The following SF3B3 variants were observed in gnomAD, a reference collection of about 807,000 sequenced individuals.
SF3B3 encodes SAP 130.
A neutral mutation model predicts 139.2 loss-of-function variants in SF3B3; 33 were observed. That is an observed-to-expected ratio of 0.24 (90% confidence interval 0.18 to 0.32). The LOEUF (loss-of-function observed/expected upper bound fraction) is 0.32, where lower values mean the gene tolerates loss of function less well. Among genes scored for constraint, SF3B3 ranks in the 10% least tolerant of loss-of-function variants. The pLI, the probability that SF3B3 is intolerant of heterozygous loss-of-function variation, is 1.00. For missense variants in SF3B3, 818 were observed against 1,509.4 expected (o/e 0.54, Z 7.59); for synonymous variants, 596 against 563.6 (o/e 1.06, Z -0.81).
rs1000222189 is a variant in SF3B3 at position 70,570,089 on chromosome 16, A to T, written c.3348A>T (p.Ser1116=). The change falls in exon 24 of 26, where the codon TCA becomes TCT. Residue 1116 remains serine (S), a synonymous_variant. Coordinates refer to ENST00000302516, the MANE Select transcript of SF3B3 (RefSeq NM_012426.5). ...KTTLIPGGSE[S]LVYTTLSGGI... ...CGCTGATCCCTGGAGGCTCAGAATC[A>T]CTTGTCTATACCACCTTGTCTGGAG... 6.2e-7 allele frequency: 1 copy of T among 1,614,066 alleles called. No homozygotes were observed. Among genetic ancestry groups the T allele is most frequent in the Non-Finnish European group, 8.5e-7 (1 of 1,180,024 alleles).
chr16:70,550,661 A>T (rs1193739493), intron 11 of SF3B3: 1 of 985,710 alleles, frequency 1.0e-6, no homozygotes. Context: ...TGGCTGGTGA[A>T]GGTGCTGATC....
intron 23 of SF3B3, 115 bp from the exon 24 acceptor site, chr16:70,569,891 A>G: frequency 8.4e-7 from 1 of 1,195,986 alleles, no homozygotes; most frequent in South Asian, 1.5e-5. Flanking sequence ...CCTCTATAAT[A>G]ATTTTTGGAT....
intron 23 of SF3B3, 35 bp from the exon 24 acceptor site, chr16:70,569,971 G>A: frequency 6.2e-7 from 1 of 1,613,052 alleles, no homozygotes; most frequent in Non-Finnish European, 8.5e-7. Context: ...GCTCCTGAGG[G>A]TGCACACAGT....
At position 70,575,196 on chromosome 16, in the gene SF3B3, C is replaced by CTTTTTTTTTTTTTTTTTTTTTTTTTTTT. The variant is rs897314035; in HGVS notation, c.*3403_*3404insTTTTTTTTTTTTTTTTTTTTTTTTTTTT. The CTTTTTTTTTTTTTTTTTTTTTTTTTTTT allele has an allele frequency of 9.1e-6, 1 of 110,008 alleles. No homozygotes were observed. The highest frequency in any genetic ancestry group is 1.1e-4 in the Admixed American group (1 of 9,506). The allele number at this position is 110,008 out of a possible 1,614,324, so 6.8% of individuals were successfully genotyped here. A position where few individuals can be genotyped will look rare whatever the true frequency, so the allele number is the denominator to read the frequency against. ...TTTTCTTTTTCTTTTTCTTTTTTTT[C>CTTTTTTTTTTTTTTTTTTTTTTTTTTTT]TTTTTTTTTTTTTTTTTTTTGAGAT... On this transcript the variant is annotated 3_prime_UTR_variant, in exon 26 of 26. Coordinates refer to ENST00000302516, the MANE Select transcript of SF3B3 (RefSeq NM_012426.5).
intron 1 of SF3B3, among the ~76,000 whole-genome samples, chr16:70,525,911 A>G (rs1423949215): frequency 2.7e-5 from 4 of 148,760 alleles, no homozygotes; most frequent in Non-Finnish European, 5.9e-5. Context: ...CAGTAAGCCA[A>G]GATGGCGCCA....
intron 4 of SF3B3, 114 bp from the exon 5 acceptor site, chr16:70,532,365 A>AAAAAAAAAAAAG (rs1159104206): frequency 1.2e-6 from 1 of 832,816 alleles, no homozygotes; most frequent in Non-Finnish European, 1.8e-6. Context: ...TCCAAAAAAA[A>AAAAAAAAAAAAG]AAGAAGACAT....
At chr16:70,569,167 G>C in intron 23 of SF3B3, 26 bp downstream of exon 23, 1 of 1,511,034 alleles carries the variant, frequency 6.6e-7, no homozygotes, top group Non-Finnish European at 9.1e-7. Flanking sequence ...GGGCCCCAGG[G>C]AGAACACTGC....
Position 70,572,816 on chromosome 16 carries a change from A to T in SF3B3, c.*1003A>T, listed in dbSNP as rs1037047765. The T allele has an allele frequency of 2.6e-5, 4 of 152,228 alleles. No homozygotes were observed. Among genetic ancestry groups the T allele is most frequent in the Admixed American group, 2.6e-4 (4 of 15,256 alleles). 9.4% of individuals were successfully genotyped at this position (152,228 alleles called of 1,614,324 possible). On this transcript the variant is annotated 3_prime_UTR_variant, in exon 26 of 26. Transcript: ENST00000302516. ...CTTTAGGGTATAATGAGAGCCTGTT[A>T]GGTGGAAGAGGCCCAGTTCCAGAAA...
intron 22 of SF3B3, 39 bp downstream of exon 22, chr16:70,568,534 A>G (rs1456219635): frequency 6.5e-7 from 1 of 1,530,294 alleles, no homozygotes; most frequent in Non-Finnish European, 9.0e-7. Context: ...AGTGATGTGT[A>G]GGAAAGCTGG....
At position 70,572,333 on chromosome 16, in the gene SF3B3, T is replaced by A; in HGVS notation, c.*520T>A. ...ATGTGTCTTGTTCTGGAGATGAGGATGTAGGTGGGAGGTTTGAACCCAAGT... is the reference window on the plus strand; with the variant it reads ...ATGTGTCTTGTTCTGGAGATGAGGAAGTAGGTGGGAGGTTTGAACCCAAGT... On this transcript the variant is annotated 3_prime_UTR_variant, in exon 26 of 26. Transcript: ENST00000302516. The A allele has an allele frequency of 3.7e-6, 1 of 267,714 alleles. No homozygotes were observed. The highest frequency in any genetic ancestry group is 7.4e-6 in the Non-Finnish European group (1 of 134,594). 16.6% of individuals were successfully genotyped at this position (267,714 alleles called of 1,614,324 possible).
intron 17 of SF3B3, 51 bp downstream of exon 17, chr16:70,561,835 C>T (rs950198910): frequency 1.3e-6 from 2 of 1,530,814 alleles, no homozygotes; most frequent in Admixed American, 1.7e-5. Flanking sequence ...CTGCCAAGGG[C>T]TCAGACTGGT....
intron 9 of SF3B3, among the ~76,000 whole-genome samples, chr16:70,543,676 C>G (rs1048766404): frequency 6.6e-6 from 1 of 151,990 alleles, no homozygotes; most frequent in South Asian, 2.1e-4. Flanking sequence ...CCACTGTACT[C>G]TAACCTCGGT....
At chr16:70,551,137 G>A (rs2050320878) in intron 11 of SF3B3, among the ~76,000 whole-genome samples, 1 of 152,176 alleles carries the variant, frequency 6.6e-6, no homozygotes, top group Non-Finnish European at 1.5e-5. Flanking sequence ...ACCTTTTGGA[G>A]TGAGCTGCTG....
chr16:70,563,728 T>C, intron 17 of SF3B3, 148 bp from the exon 18 acceptor site: 1 of 680,686 alleles, frequency 1.5e-6, no homozygotes, highest in Non-Finnish European at 2.5e-6. Flanking sequence ...CAGAGTTTTC[T>C]AGAGTAGGAG....
At chr16:70,526,269 A>G (rs543591826) in intron 1 of SF3B3, among the ~76,000 whole-genome samples, 1 of 151,774 alleles carries the variant, frequency 6.6e-6, no homozygotes, top group Non-Finnish European at 1.5e-5. Flanking sequence ...GTGCAGTGGC[A>G]TGATGTTGGC....
At position 70,574,555 on chromosome 16, in the gene SF3B3, G is replaced by A. The variant is rs2050559438; in HGVS notation, c.*2742G>A. The A allele has an allele frequency of 1.3e-5, 2 of 152,226 alleles. No individual in the cohort carries two copies. Among genetic ancestry groups the A allele is most frequent in the Admixed American group, 1.3e-4 (2 of 15,282 alleles). The allele number at this position is 152,226 out of a possible 1,614,324, so 9.4% of individuals were successfully genotyped here. On this transcript the variant is annotated 3_prime_UTR_variant, in exon 26 of 26. Transcript: ENST00000302516. ...TCTCTCTTGACCAGGCTAGAGGGCT[G>A]TGGTGCGATCTCAGCCCACTGCAAC...
At chr16:70,535,083 A>G (rs540958876) in intron 5 of SF3B3, among the ~76,000 whole-genome samples, 1 of 152,296 alleles carries the variant, frequency 6.6e-6, no homozygotes, top group African/African-American at 2.4e-5. Context: ...CTTGGAGGTA[A>G]ACATTTGGAT....
rs747429904 is a variant in SF3B3, at chr16:70,541,767, C to T, written c.1166C>T (p.Pro389Leu). Residue 389 changes from proline to leucine, a missense_variant, in exon 9 of 26, where the codon CCA becomes CTA. Pro to Leu is a moderately conservative substitution (Grantham distance 98, BLOSUM62 -3). Transcript: ENST00000302516. Reference sequence around the variant, plus strand: ...GAAGGAGACACATTCTTTTTTCAGCCAAGACCACTTAAAAACCTTGTGCTG... The same window carrying T: ...GAAGGAGACACATTCTTTTTTCAGCTAAGACCACTTAAAAACCTTGTGCTG... ...LEEGDTFFFQ[P>L]RPLKNLVLVD... The T allele has an allele frequency of 6.2e-7, 1 of 1,614,104 alleles. No individual in the cohort carries two copies. Among genetic ancestry groups the T allele is most frequent in the Non-Finnish European group, 8.5e-7 (1 of 1,179,982 alleles).
intron 17 of SF3B3, among the ~76,000 whole-genome samples, chr16:70,563,067 A>C (rs1469962112): frequency 2.6e-5 from 4 of 152,186 alleles, no homozygotes; most frequent in African/African-American, 9.7e-5. Flanking sequence ...TCCTGGGCTC[A>C]AGAGATTCTC....
Sources: gnomAD v4.1 joint callset for allele counts (sites outside exome capture counted in the v4.1 genomes callset) on GRCh38, gnomAD v4.1.1 for gene constraint, MANE v1.5 for transcripts, NCBI Gene and HGNC (gene_info 2026-07-23, HGNC 2026-07-21) for gene names.